SH2D6: variants seen among roughly 807,000 people sequenced by gnomAD.
SH2D6 encodes the protein SH2 domain containing 6.
A neutral mutation model predicts 30.2 loss-of-function variants in SH2D6; 31 were observed. The observed-to-expected ratio is 1.03, with a 90% CI of 0.77 to 1.38. SH2D6 has a LOEUF of 1.38. Among genes scored for constraint, SH2D6 ranks in the 40% most tolerant of loss-of-function variants. The pLI is 0.00. For missense variants in SH2D6, 240 were observed against 266.8 expected, an observed-to-expected ratio of 0.90 and a Z score of 0.70; for synonymous variants, 93 against 104.6, an observed-to-expected ratio of 0.89 and a Z score of 0.68.
Position 85,430,846 on chromosome 2 carries a change from G to C in SH2D6, c.250+194G>C. 6.6e-6 allele frequency among the ~76,000 whole-genome samples: 1 copy of C among 152,068 alleles called. No homozygotes were observed. Among genetic ancestry groups the C allele is most frequent in the South Asian group, 2.1e-4 (1 of 4,822 alleles). On this transcript the variant is annotated intron_variant, in intron 12 of 23. Transcript: ENST00000469800. The surrounding 1 kb of genome is among the most constrained non-coding windows in gnomAD (Gnocchi z 4.3). Reference sequence around the variant, plus strand: ...AGAGAGGGATGAAGGAACGGAGGGAGGGAGGGTGGGAGGGAGGAAGAAGAG... The same window carrying C: ...AGAGAGGGATGAAGGAACGGAGGGACGGAGGGTGGGAGGGAGGAAGAAGAG...
intron 2 of SH2D6, among the ~76,000 whole-genome samples, chr2:85,419,498 C>T (rs946554398): frequency 9.9e-5 from 15 of 152,196 alleles, no homozygotes; most frequent in Non-Finnish European, 1.9e-4. Context: ...CCCTTCTGGG[C>T]CAGGGCAGCC....
intron 14 of SH2D6, among the ~76,000 whole-genome samples, chr2:85,432,393 T>G (rs944584679): frequency 7.8e-6 from 1 of 128,868 alleles, no homozygotes. Flanking sequence ...TTATTTTTTT[T>G]GTTTTGTTTT....
At chr2:85,435,565 G>A in intron 21 of SH2D6, 69 bp downstream of exon 21, 1 of 1,592,910 alleles carries the variant, frequency 6.3e-7, no homozygotes, top group Non-Finnish European at 8.6e-7. Flanking sequence ...TGGCCGAGCA[G>A]TGGGGAGCAG....
At chr2:85,434,830 C>G in intron 19 of SH2D6, 1 of 1,482,772 alleles carries the variant, frequency 6.7e-7, no homozygotes, top group Non-Finnish European at 8.9e-7. Context: ...TCAGGAAGCT[C>G]CTAGTCTGTG....
intron 19 of SH2D6, 42 bp from the exon 20 acceptor site, chr2:85,435,023 C>A: frequency 1.3e-6 from 2 of 1,508,256 alleles, no homozygotes; most frequent in Non-Finnish European, 1.8e-6. Context: ...CCACCCCCAC[C>A]CCACCCCACC....
intron 7 of SH2D6, 142 bp from the exon 8 acceptor site, chr2:85,429,230 T>C (rs1688325359): frequency 6.6e-6 from 1 of 152,258 alleles, no homozygotes; most frequent in Non-Finnish European, 1.5e-5. Flanking sequence ...CTTCCTCTTA[T>C]CGTGCAGAGG....
intron 6 of SH2D6, among the ~76,000 whole-genome samples, chr2:85,427,615 G>C (rs542124730): frequency 6.6e-6 from 1 of 152,370 alleles, no homozygotes; most frequent in East Asian, 1.9e-4. Context: ...GTGGTGTCCA[G>C]AACTTCCTAC....
Position 85,434,116 on chromosome 2 carries a change from G to A in SH2D6, c.533+5G>A. 6.4e-7 allele frequency: 1 copy of A among 1,550,476 alleles called. No individual in the cohort carries two copies. The highest frequency in any genetic ancestry group is 8.7e-7 in the Non-Finnish European group (1 of 1,146,908). On this transcript the variant is annotated splice_donor_5th_base_variant and intron_variant, in intron 17 of 23. Transcript: ENST00000469800. ...CAGGACATCAGTGGTGCCCAGGTAA[G>A]TGCCCCACCAGGTGTGCACCTGTGT... is the stretch of plus-strand genomic sequence containing the variant.
Position 85,435,816 on chromosome 2 carries a change from C to A in SH2D6, c.883C>A (p.Arg295Ser). 1 of 1,590,712 alleles carries A rather than the reference C, an allele frequency of 6.3e-7. No homozygotes were observed. The highest frequency in any genetic ancestry group is 2.3e-5 in the East Asian group (1 of 43,980). Residue 295 changes from arginine to serine, a missense_variant, in exon 22 of 24, where the codon CGT (arginine) becomes AGT (serine). Transcript: ENST00000469800. ...TGCCCTGGGCCGGGAGGGCAGGAACCGTGAGGAGGTGGGAGCTGGAGGAGG... is the reference window on the plus strand; with the variant it reads ...TGCCCTGGGCCGGGAGGGCAGGAACAGTGAGGAGGTGGGAGCTGGAGGAGG... ...HYALGREGRNREELFSSVAAM... is the reference protein window; with the variant it reads ...HYALGREGRNSEELFSSVAAM...
chr2:85,427,347 T>C (rs554595946), intron 6 of SH2D6, among the ~76,000 whole-genome samples: 2 of 152,342 alleles, frequency 1.3e-5, no homozygotes, highest in South Asian at 4.1e-4. Flanking sequence ...ATGCCAAAGA[T>C]GGATAAAGAG....
rs771888368 is a variant in SH2D6 at position 85,435,689 on chromosome 2, C to T, written c.756C>T (p.Pro252=). 6 of 1,611,596 alleles carry T rather than the reference C, an allele frequency of 3.7e-6. No individual in the cohort carries two copies. The South Asian group carries it at 6.6e-5, about 18-fold the overall frequency. The change falls in exon 22 of 24, where the codon CCC becomes CCT. Residue 252 remains proline, a synonymous_variant. Coordinates refer to ENST00000469800, the MANE Select transcript of SH2D6 (RefSeq NM_001394463.1). ...AGGATGGGGCCTATACCGTGCGCCC[C>T]AGCTCAGGGCCTCATGGCTCCCAGC... ...LQKDGAYTVR[P]SSGPHGSQPF...
chr2:85,426,623 G>A (rs1033017887), intron 6 of SH2D6, among the ~76,000 whole-genome samples: 2 of 152,090 alleles, frequency 1.3e-5, no homozygotes, highest in East Asian at 1.9e-4. Context: ...GTGTGCCCAC[G>A]GAGGGCATGG....
At chr2:85,436,406 A>G (rs2104957608) in intron 22 of SH2D6, 60 bp from the exon 23 acceptor site, 1 of 1,300,114 alleles carries the variant, frequency 7.7e-7, no homozygotes, top group East Asian at 2.3e-5. Context: ...CAGTTGCCTC[A>G]GGAAATTGCT....
Position 85,428,212 on chromosome 2 carries a change from C to CACAATTAGCACTGCTA in SH2D6, c.-208-370_-208-355dup, listed in dbSNP as rs140849406. ...AAGTCATGAGCTCCTTAAGGAAGGT[C>CACAATTAGCACTGCTA]ACAATTAGCACTGCTAATTCCATCG... On this transcript the variant is annotated intron_variant, in intron 6 of 23. Transcript: ENST00000469800. Among the ~76,000 whole-genome samples the CACAATTAGCACTGCTA allele has an allele frequency of 1.9e-3, 288 of 152,290 alleles. 11 individuals are homozygous for CACAATTAGCACTGCTA. In the East Asian group the frequency reaches 0.049, roughly 26 times the overall value.
intron 14 of SH2D6, among the ~76,000 whole-genome samples, chr2:85,432,409 GTTTTT>G (rs931733200): frequency 1.4e-5 from 2 of 145,860 alleles, no homozygotes; most frequent in Admixed American, 6.8e-5. Flanking sequence ...GTTTTGTTTT[GTTTTT>G]TTTTTGAGAC....
At chr2:85,427,035 A>G (rs1688110014) in intron 6 of SH2D6, among the ~76,000 whole-genome samples, 1 of 152,262 alleles carries the variant, frequency 6.6e-6, no homozygotes, top group Admixed American at 6.5e-5. Context: ...TGGTCACAGA[A>G]GTCTGCTCTG....
chr2:85,436,174 C>T (rs1689434190), intron 22 of SH2D6, among the ~76,000 whole-genome samples: 2 of 152,308 alleles, frequency 1.3e-5, no homozygotes, highest in East Asian at 3.9e-4. Context: ...ACACCCATCA[C>T]ACAGCTCCCC....
intron 5 of SH2D6, 48 bp from the exon 6 acceptor site, chr2:85,425,253 CTTTCTTT>C (rs1687943997): frequency 7.8e-6 from 1 of 128,128 alleles, no homozygotes; most frequent in Non-Finnish European, 1.6e-5. Flanking sequence ...TCTTTTCTTT[CTTTCTTT>C]TTTTTTTTTT....
At chr2:85,435,204 G>A in intron 20 of SH2D6, 81 bp downstream of exon 20, 4 of 1,448,992 alleles carry the variant, frequency 2.8e-6, no homozygotes, top group Non-Finnish European at 3.8e-6. Flanking sequence ...ACCCTCTTGG[G>A]CTGAAGGGTG....
Sources: allele counts gnomAD v4.1 joint callset (sites outside exome capture counted in the v4.1 genomes callset), GRCh38; gene constraint gnomAD v4.1.1; non-coding constraint Gnocchi (gnomAD v3.1); transcripts MANE v1.5; gene names NCBI Gene and HGNC (gene_info 2026-07-23, HGNC 2026-07-21).